ALDH1A3: variants seen among roughly 807,000 people sequenced by gnomAD.
ALDH1A3 encodes the protein retinaldehyde dehydrogenase 3.
In ALDH1A3, 28 loss-of-function variants were observed where a neutral mutation model predicts 57.5. The observed-to-expected ratio is 0.49, with a 90% CI of 0.36 to 0.67. The LOEUF is 0.67. ALDH1A3 is among the 30% of genes least tolerant of loss of function. The pLI is 0.00. For missense variants in ALDH1A3, 507 were observed against 669.4 expected (o/e 0.76, Z 2.68); for synonymous variants, 281 against 264.8 (o/e 1.06, Z -0.59).
chr15:100,909,788 G>A (rs1291724735), intron 12 of ALDH1A3, among the ~76,000 whole-genome samples: 1 of 152,210 alleles, frequency 6.6e-6, no homozygotes, highest in Non-Finnish European at 1.5e-5. Context: ...TCTCTCCCCA[G>A]CTCAGGATTT....
At chr15:100,908,504 A>C in intron 12 of ALDH1A3, 22 bp downstream of exon 12, 2 of 1,596,322 alleles carry the variant, frequency 1.3e-6, no homozygotes, top group Non-Finnish European at 1.7e-6. Context: ...CATCATTCTG[A>C]GCCTGCCGTG....
intron 1 of ALDH1A3, 95 bp from the exon 2 acceptor site, chr15:100,885,172 A>G (rs1183260475): frequency 3.1e-5 from 27 of 857,782 alleles, no homozygotes; most frequent in Non-Finnish European, 4.5e-5. Context: ...AGGAAGGTGG[A>G]CAAGATGGAT....
chr15:100,907,828 T>TTTTC (rs1372994779), intron 11 of ALDH1A3, among the ~76,000 whole-genome samples: 6 of 141,124 alleles, frequency 4.3e-5, no homozygotes, highest in Admixed American at 1.5e-4. Context: ...TGATTTTTCT[T>TTTTC]TTTCTTTCTT....
At position 100,905,588 on chromosome 15, in the gene ALDH1A3, G is replaced by C; in HGVS notation, c.1134G>C (p.Lys378Asn). ...AGAGTGGGAAGAAGGAAGGGGCCAAGCTGGAATGCGGGGGCTCAGCCATGG... is the reference window on the plus strand; with the variant it reads ...AGAGTGGGAAGAAGGAAGGGGCCAACCTGGAATGCGGGGGCTCAGCCATGG... Reference protein sequence around the residue: ...LIESGKKEGAKLECGGSAMED... With the variant: ...LIESGKKEGANLECGGSAMED... Residue 378 changes from lysine to asparagine, a missense_variant, in exon 10 of 13, where the codon AAG becomes AAC. Lys to Asn is a moderately conservative substitution (Grantham distance 94, BLOSUM62 0). This residue lies in a region of ALDH1A3 where 432 missense variants were observed against 608.4 expected (regional missense o/e 0.71). Transcript: ENST00000329841. The C allele has an allele frequency of 1.2e-6, 2 of 1,614,158 alleles. No individual in the cohort carries two copies. Among genetic ancestry groups the C allele is most frequent in the South Asian group, 1.1e-5 (1 of 91,074 alleles).
In ALDH1A3 at chr15:100,894,168, T is replaced by G; in HGVS notation, c.666+86T>G. 2.7e-6 allele frequency: 4 copies of G among 1,508,716 alleles called. No homozygotes were observed. The highest frequency in any genetic ancestry group is 3.6e-6 in the Non-Finnish European group (4 of 1,111,808). The allele number at this position is 1,508,716 out of a possible 1,614,324, so 93.5% of individuals were successfully genotyped here. Reference sequence around the variant, plus strand: ...AGGCCACCGTCACGAGATGGGACAGTGGCAGACTGCTGGCAATCGAGTGGG... The same window carrying G: ...AGGCCACCGTCACGAGATGGGACAGGGGCAGACTGCTGGCAATCGAGTGGG... On this transcript the variant is annotated intron_variant, in intron 6 of 12. Coordinates refer to ENST00000329841, the MANE Select transcript of ALDH1A3 (RefSeq NM_000693.4). This position sits in a 1 kb window ranked among gnomAD's most constrained non-coding sequence, Gnocchi z 4.5.
chr15:100,895,897 C>G (rs750766075), intron 6 of ALDH1A3, 36 bp from the exon 7 acceptor site: 1 of 1,542,500 alleles, frequency 6.5e-7, no homozygotes, highest in Non-Finnish European at 8.9e-7. Context: ...GGATGAAGTC[C>G]GTTCTTCTTC....
At position 100,893,153 on chromosome 15, in the gene ALDH1A3, G is replaced by T; in HGVS notation, c.537+147G>T. On this transcript the variant is annotated intron_variant, in intron 5 of 12. Coordinates refer to ENST00000329841, the MANE Select transcript of ALDH1A3 (RefSeq NM_000693.4). This position sits in a 1 kb window ranked among gnomAD's most constrained non-coding sequence, Gnocchi z 4.8. The stretch of plus-strand genomic sequence containing the variant: ...TTCGTGGCATGGAACTCCATGCTTG[G>T]GGGCTCTTGAGATGGATTAGACCCC... The T allele has an allele frequency of 1.5e-6, 1 of 683,978 alleles. No homozygotes were observed. Among genetic ancestry groups the T allele is most frequent in the Non-Finnish European group, 2.4e-6 (1 of 419,840 alleles). The allele number at this position is 683,978 out of a possible 1,614,324, so 42.4% of individuals were successfully genotyped here. A position where few individuals can be genotyped will look rare whatever the true frequency, so the allele number is the denominator to read the frequency against.
chr15:100,912,257 TCAC>T (rs1485146873), intron 12 of ALDH1A3, among the ~76,000 whole-genome samples: 1 of 152,244 alleles, frequency 6.6e-6, no homozygotes, highest in Non-Finnish European at 1.5e-5. Flanking sequence ...AAAAATGGGC[TCAC>T]CACTGTTTTG....
rs151125487 is a variant in ALDH1A3 at position 100,886,300 on chromosome 15, T to C, written c.204+929T>C. 4.3e-3 allele frequency among the ~76,000 whole-genome samples: 648 copies of C among 152,246 alleles called. 6 individuals are homozygous for C. The highest frequency in any genetic ancestry group is 0.014 in the African/African-American group (570 of 41,552). On this transcript the variant is annotated intron_variant, in intron 2 of 12. Transcript: ENST00000329841. ...GAGCTCATAGAAAAATGTGAGGGCA[T>C]TGGGGGGAAGCCATGACATGGAATG...
At position 100,894,174 on chromosome 15, in the gene ALDH1A3, A is replaced by ACAG; in HGVS notation, c.666+93_666+94insAGC. 1 of 1,476,716 alleles carries ACAG rather than the reference A, an allele frequency of 6.8e-7. No homozygotes were observed. Among genetic ancestry groups the ACAG allele is most frequent in the Non-Finnish European group, 9.2e-7 (1 of 1,086,326 alleles). The allele number at this position is 1,476,716 out of a possible 1,614,324, so 91.5% of individuals were successfully genotyped here. On this transcript the variant is annotated intron_variant, in intron 6 of 12. Transcript: ENST00000329841. The surrounding 1 kb of genome is among the most constrained non-coding windows in gnomAD (Gnocchi z 4.5). ...CCGTCACGAGATGGGACAGTGGCAG[A>ACAG]CTGCTGGCAATCGAGTGGGAAGGGA...
chr15:100,890,185 T>C (rs2141552485), intron 3 of ALDH1A3, among the ~76,000 whole-genome samples: 1 of 152,328 alleles, frequency 6.6e-6, no homozygotes, highest in South Asian at 2.1e-4. Flanking sequence ...GTCCTCTCGT[T>C]GTAAGCCCTG....
intron 11 of ALDH1A3, among the ~76,000 whole-genome samples, chr15:100,908,118 G>GGATT (rs1218748542): frequency 6.6e-6 from 1 of 151,856 alleles, no homozygotes; most frequent in Non-Finnish European, 1.5e-5. Flanking sequence ...CGAAGTGCTG[G>GGATT]GATTACAGGC....
intron 9 of ALDH1A3, among the ~76,000 whole-genome samples, chr15:100,903,834 C>A (rs2041795375): frequency 6.6e-6 from 1 of 152,142 alleles, no homozygotes; most frequent in Admixed American, 6.5e-5. Flanking sequence ...GCGTATTTTT[C>A]TTGCAAGCTG....
chr15:100,884,447 G>A (rs565420500), intron 1 of ALDH1A3, among the ~76,000 whole-genome samples: 27 of 152,100 alleles, frequency 1.8e-4, no homozygotes, highest in Non-Finnish European at 3.2e-4. Flanking sequence ...TGATTTCTGC[G>A]GGTTATATAA....
chr15:100,896,173 A>G (rs1362843102), intron 7 of ALDH1A3, 127 bp downstream of exon 7: 2 of 728,762 alleles, frequency 2.7e-6, no homozygotes, highest in Non-Finnish European at 4.5e-6. Flanking sequence ...TTTAGTACAT[A>G]ACAACCAGTT....
intron 2 of ALDH1A3, 71 bp downstream of exon 2, chr15:100,885,442 G>A: frequency 2.5e-6 from 3 of 1,220,578 alleles, no homozygotes; most frequent in Non-Finnish European, 3.6e-6. Context: ...AAACGGTTCG[G>A]CTTAGCTATA....
intron 9 of ALDH1A3, among the ~76,000 whole-genome samples, chr15:100,901,260 A>G (rs146218432): frequency 2.6e-4 from 39 of 152,362 alleles, no homozygotes; most frequent in Non-Finnish European, 4.4e-4. Context: ...AGCCAAGGAC[A>G]GGATGAAAAT....
At chr15:100,895,610 C>CTG in intron 6 of ALDH1A3, 1 of 366,712 alleles carries the variant, frequency 2.7e-6, no homozygotes, top group South Asian at 3.8e-5. Context: ...TGGAAAGGTG[C>CTG]TGTGCTACAG....
chr15:100,892,294 A>T, intron 3 of ALDH1A3: 1 of 593,310 alleles, frequency 1.7e-6, no homozygotes, highest in Non-Finnish European at 2.8e-6. Context: ...CCTGCAGCCC[A>T]CTTTAGGTGT....
Sources: allele counts gnomAD v4.1 joint callset (sites outside exome capture counted in the v4.1 genomes callset), GRCh38; gene constraint gnomAD v4.1.1; regional missense constraint gnomAD v4.1.1; non-coding constraint Gnocchi (gnomAD v3.1); transcripts MANE v1.5; gene names NCBI Gene and HGNC (gene_info 2026-07-23, HGNC 2026-07-21).